Variants in TAFA2 observed in about 807,000 individuals in gnomAD.
TAFA2 encodes chemokine-like protein TAFA-2.
A neutral mutation model predicts 18.8 loss-of-function variants in TAFA2; 7 were observed. The observed-to-expected ratio is 0.37, with a 90% CI of 0.21 to 0.70. The LOEUF (loss-of-function observed/expected upper bound fraction) is 0.70. Among genes scored for constraint, TAFA2 ranks in the 30% least tolerant of loss-of-function variants. TAFA2 has a pLI of 0.53. For synonymous variants in TAFA2, 60 were observed against 54.2 expected (o/e 1.11, Z -0.47); for missense variants, 122 against 158.1 (o/e 0.77, Z 1.23).
At chr12:61,728,834 C>T (rs1870302550) in intron 4 of TAFA2, among the ~76,000 whole-genome samples, 1 of 151,398 alleles carries the variant, frequency 6.6e-6, no homozygotes, top group Non-Finnish European at 1.5e-5. Context: ...GTTTTATAGT[C>T]CCTGTAAGAT....
intron 4 of TAFA2, among the ~76,000 whole-genome samples, chr12:61,737,589 A>G (rs1432723525): frequency 6.9e-6 from 1 of 144,160 alleles, no homozygotes; most frequent in Non-Finnish European, 1.5e-5. Flanking sequence ...TTATTTCACT[A>G]AAAAAAAAAA....
At position 62,233,868 on chromosome 12, in the gene TAFA2, C is replaced by T. The variant is rs142118319; in HGVS notation, c.-130+24895G>A. On this transcript the variant is annotated intron_variant, in intron 1 of 5. Transcript: ENST00000551619. Reference sequence around the variant, plus strand: ...TACTGGGGCCACTAGTAACACAGACCGAGGCAGCAAAGTAGGACAGGGTCA... The same window carrying T: ...TACTGGGGCCACTAGTAACACAGACTGAGGCAGCAAAGTAGGACAGGGTCA... Among the ~76,000 whole-genome samples, 1,020 of 152,218 alleles carry T rather than the reference C, an allele frequency of 6.7e-3. 12 individuals are homozygous for T. Among genetic ancestry groups the T allele is most frequent in the African/African-American group, 0.023 (955 of 41,526 alleles).
At position 62,070,805 on chromosome 12, in the gene TAFA2, G is replaced by A. The variant is rs192859688; in HGVS notation, c.-2+120454C>T. 6.6e-5 allele frequency among the ~76,000 whole-genome samples: 10 copies of A among 151,852 alleles called. No homozygotes were observed. The East Asian group carries it at 7.7e-4, about 12-fold the overall frequency. ...ATTTTTTCTCTTTTCTGTTTTTCACGTTCATCATTGCAGGGGACAGTGTCT... is the reference window on the plus strand; with the variant it reads ...ATTTTTTCTCTTTTCTGTTTTTCACATTCATCATTGCAGGGGACAGTGTCT... On this transcript the variant is annotated intron_variant, in intron 1 of 4. Transcript: ENST00000416284.
At chr12:61,976,832 G>A (rs1422724679) in intron 1 of TAFA2, among the ~76,000 whole-genome samples, 1 of 152,014 alleles carries the variant, frequency 6.6e-6, no homozygotes, top group Non-Finnish European at 1.5e-5. Flanking sequence ...CTTCATCCAT[G>A]TCCCTGCAAA....
At chr12:62,107,036 C>T (rs1022735559) in intron 1 of TAFA2, among the ~76,000 whole-genome samples, 1 of 152,134 alleles carries the variant, frequency 6.6e-6, no homozygotes, top group Non-Finnish European at 1.5e-5. Context: ...ATGTTCCTCA[C>T]GCAGAGTTTT....
At chr12:62,107,005 G>A (rs1056510027) in intron 1 of TAFA2, among the ~76,000 whole-genome samples, 6 of 152,076 alleles carry the variant, frequency 3.9e-5, no homozygotes, top group African/African-American at 7.2e-5. Context: ...AAAGCAGAAC[G>A]AGAAAGGTTC....
At chr12:62,187,696 C>A (rs981016368) in intron 1 of TAFA2, among the ~76,000 whole-genome samples, 2 of 152,120 alleles carry the variant, frequency 1.3e-5, no homozygotes, top group Admixed American at 1.3e-4. Context: ...ACTGAATGAA[C>A]AAAATCAGAC....
intron 1 of TAFA2, among the ~76,000 whole-genome samples, chr12:62,095,850 T>C (rs1368144675): frequency 1.3e-5 from 2 of 152,116 alleles, no homozygotes; most frequent in African/African-American, 4.8e-5. Flanking sequence ...TTTGAACCAG[T>C]CTTTGTGAAC....
At chr12:62,018,690 C>G (rs1300741722) in intron 1 of TAFA2, among the ~76,000 whole-genome samples, 1 of 152,168 alleles carries the variant, frequency 6.6e-6, no homozygotes, top group Non-Finnish European at 1.5e-5. Flanking sequence ...GGATTAAAGA[C>G]TTAAATGTTA....
intron 2 of TAFA2, among the ~76,000 whole-genome samples, chr12:61,782,866 C>T (rs1284637603): frequency 6.6e-6 from 1 of 151,662 alleles, no homozygotes; most frequent in Non-Finnish European, 1.5e-5. Context: ...TAATTATTTT[C>T]TGTTTTGTTA....
At chr12:61,787,412 T>C (rs1157614831) in intron 2 of TAFA2, among the ~76,000 whole-genome samples, 1 of 151,640 alleles carries the variant, frequency 6.6e-6, no homozygotes, top group African/African-American at 2.4e-5. Flanking sequence ...AAACTCAGAA[T>C]ACTCCAATAC....
At chr12:61,995,257 TAA>T (rs1292168809) in intron 1 of TAFA2, among the ~76,000 whole-genome samples, 1 of 152,168 alleles carries the variant, frequency 6.6e-6, no homozygotes, top group African/African-American at 2.4e-5. Flanking sequence ...CCAAATAACC[TAA>T]GTTATTTCCC....
At chr12:61,933,863 C>A (rs1877660730) in intron 1 of TAFA2, among the ~76,000 whole-genome samples, 1 of 152,202 alleles carries the variant, frequency 6.6e-6, no homozygotes, top group Non-Finnish European at 1.5e-5. Flanking sequence ...TAAAACTCCA[C>A]AACATAGATG....
At chr12:61,750,633 G>A (rs909537693) in intron 4 of TAFA2, among the ~76,000 whole-genome samples, 7 of 152,148 alleles carry the variant, frequency 4.6e-5, no homozygotes, top group African/African-American at 1.2e-4. Flanking sequence ...TAGTCAATTC[G>A]GGAAGGTGCC....
chr12:61,995,811 T>C (rs117457004), intron 1 of TAFA2, among the ~76,000 whole-genome samples: 3,750 of 152,262 alleles, frequency 0.025, 67 homozygotes, highest in Non-Finnish European at 0.038. Flanking sequence ...TGGAGGTTGA[T>C]AAAACATGTT....
intron 2 of TAFA2, among the ~76,000 whole-genome samples, chr12:61,799,683 G>A (rs544561061): frequency 5.3e-5 from 8 of 152,184 alleles, no homozygotes; most frequent in African/African-American, 1.4e-4. Flanking sequence ...TTAGCCGGGC[G>A]TGGTGGCTGG....
chr12:62,109,840 C>A (rs10877792), intron 1 of TAFA2, among the ~76,000 whole-genome samples: 34,064 of 152,058 alleles, frequency 0.22, 4,185 homozygotes, highest in East Asian at 0.37. Context: ...TATCCTGAGA[C>A]TTTGCTGAAG....
At chr12:61,747,792 C>G (rs1868800127) in intron 4 of TAFA2, among the ~76,000 whole-genome samples, 1 of 150,974 alleles carries the variant, frequency 6.6e-6, no homozygotes, top group South Asian at 2.1e-4. Flanking sequence ...GTGCAGCACA[C>G]CAGCATGGCA....
intron 1 of TAFA2, chr12:61,879,795 A>G: frequency 6.8e-7 from 1 of 1,476,400 alleles, no homozygotes; most frequent in Non-Finnish European, 9.4e-7. Context: ...GGCCAGGAGA[A>G]GCTGAAGCTG....
Sources: allele counts gnomAD v4.1 joint callset (sites outside exome capture counted in the v4.1 genomes callset), GRCh38; gene constraint gnomAD v4.1.1; transcripts MANE v1.5; gene names NCBI Gene and HGNC (gene_info 2026-07-23, HGNC 2026-07-21).